The following AKAP9 variants were observed in gnomAD, a reference collection of about 807,000 sequenced individuals.
The protein encoded by AKAP9 is A-kinase anchoring protein 9, also known as A-kinase anchor protein 9.
A neutral mutation model predicts 488.5 loss-of-function variants in AKAP9; 311 were observed. That is an observed-to-expected ratio of 0.64 (90% confidence interval 0.58 to 0.70). AKAP9 has a LOEUF of 0.70. Ranked by LOEUF, AKAP9 falls within the 30% of genes least tolerant of loss-of-function variation. AKAP9 has a pLI of 0.00. For missense variants in AKAP9, 4,215 were observed against 4,374.5 expected, an observed-to-expected ratio of 0.96 and a Z score of 1.03; for synonymous variants, 1,462 against 1,483.5, an observed-to-expected ratio of 0.99 and a Z score of 0.33.
chr7:91,965,571 G>T (rs1340323586), intron 1 of AKAP9, among the ~76,000 whole-genome samples: 1 of 152,160 alleles, frequency 6.6e-6, no homozygotes, highest in African/African-American at 2.4e-5. Flanking sequence ...GCTGGATCCT[G>T]TGGTAGTTCT....
intron 1 of AKAP9, among the ~76,000 whole-genome samples, chr7:91,946,044 A>G (rs1442718151): frequency 1.3e-5 from 2 of 152,202 alleles, no homozygotes; most frequent in Non-Finnish European, 2.9e-5. Context: ...ACTTTTGTTT[A>G]ACAAACATTT....
chr7:92,013,396 G>T (rs1801060872), intron 9 of AKAP9, among the ~76,000 whole-genome samples: 1 of 152,216 alleles, frequency 6.6e-6, no homozygotes, highest in South Asian at 2.1e-4. Flanking sequence ...AGTAGTTGGG[G>T]TTATAGCTGG....
intron 1 of AKAP9, among the ~76,000 whole-genome samples, chr7:91,968,332 A>G (rs996740264): frequency 1.3e-5 from 2 of 152,082 alleles, no homozygotes; most frequent in African/African-American, 2.4e-5. Context: ...GGTAGGTTCT[A>G]TGTGTCCAGG....
intron 1 of AKAP9, among the ~76,000 whole-genome samples, chr7:91,941,706 T>A (rs2130425658): frequency 6.6e-6 from 1 of 152,304 alleles, no homozygotes; most frequent in African/African-American, 2.4e-5. Flanking sequence ...TAGAAGCGTG[T>A]CTTTGTATGT....
chr7:91,977,367 T>C (rs372604215), intron 2 of AKAP9, among the ~76,000 whole-genome samples: 1 of 152,114 alleles, frequency 6.6e-6, no homozygotes, highest in South Asian at 2.1e-4. Flanking sequence ...CCATCCTGGC[T>C]AACACGGTGA....
At chr7:92,026,483 C>T (rs1563004654) in intron 14 of AKAP9, among the ~76,000 whole-genome samples, 2 of 152,100 alleles carry the variant, frequency 1.3e-5, no homozygotes, top group African/African-American at 2.4e-5. Context: ...TGCAGTCACG[C>T]GCCGCCACGC....
intron 17 of AKAP9, among the ~76,000 whole-genome samples, chr7:92,039,508 T>C (rs1805713845): frequency 6.6e-6 from 1 of 152,254 alleles, no homozygotes; most frequent in Non-Finnish European, 1.5e-5. Context: ...TCCTAATTCT[T>C]GATTTATGTA....
chr7:91,969,212 G>A (rs1562911190), intron 1 of AKAP9, among the ~76,000 whole-genome samples: 4 of 152,020 alleles, frequency 2.6e-5, no homozygotes, highest in Non-Finnish European at 4.4e-5. Context: ...ATTATTATTT[G>A]TTTGTGTTTT....
chr7:91,991,557 C>T (rs7777123), intron 3 of AKAP9, among the ~76,000 whole-genome samples: 60,020 of 151,046 alleles, frequency 0.4, 12,208 homozygotes, highest in African/African-American at 0.45. Context: ...CTGCAAGTTC[C>T]GCCTCCTGGG....
intron 26 of AKAP9, among the ~76,000 whole-genome samples, chr7:92,067,278 GC>G (rs1424173349): frequency 6.6e-6 from 1 of 152,138 alleles, no homozygotes; most frequent in Non-Finnish European, 1.5e-5. Context: ...GATATCCAGT[GC>G]CTACTCTGTC....
chr7:91,985,311 T>A (rs1291336155), intron 3 of AKAP9, among the ~76,000 whole-genome samples: 2 of 152,090 alleles, frequency 1.3e-5, no homozygotes, highest in Non-Finnish European at 2.9e-5. Flanking sequence ...TTATTGAGAG[T>A]TTTTAGCATG....
intron 7 of AKAP9, among the ~76,000 whole-genome samples, chr7:91,999,787 G>A (rs1201356482): frequency 6.6e-6 from 1 of 152,196 alleles, no homozygotes; most frequent in African/African-American, 2.4e-5. Context: ...GTACTTGAAT[G>A]GGCACTGCCA....
intron 8 of AKAP9, among the ~76,000 whole-genome samples, chr7:92,011,849 C>T (rs116235528): frequency 1.2e-3 from 180 of 152,306 alleles, no homozygotes; most frequent in African/African-American, 4.1e-3. Context: ...TGCGGTGGCT[C>T]ATACCTGTAA....
intron 38 of AKAP9, chr7:92,090,093 A>G (rs1188280142): frequency 6.6e-6 from 1 of 152,372 alleles, no homozygotes. Flanking sequence ...TAGTTTTACT[A>G]TCTATTTATA....
intron 25 of AKAP9, 35 bp from the exon 26 acceptor site, chr7:92,066,392 C>A (rs767686507): frequency 1.2e-6 from 2 of 1,610,150 alleles, no homozygotes; most frequent in African/African-American, 2.7e-5. Context: ...AATACTGTTT[C>A]TTCAGCTACT....
At chr7:91,976,882 T>G (rs1303948925) in intron 2 of AKAP9, among the ~76,000 whole-genome samples, 1 of 152,228 alleles carries the variant, frequency 6.6e-6, no homozygotes, top group East Asian at 1.9e-4. Context: ...TGAGGTGTTG[T>G]TCTTACAATT....
chr7:92,042,292 T>G lies in AKAP9; in HGVS notation c.5058+106T>G, dbSNP rs1806256605. On this transcript the variant is annotated intron_variant, in intron 19 of 49. Coordinates refer to ENST00000356239, the MANE Select transcript of AKAP9 (RefSeq NM_005751.5). ...TGTATTCTTTTATAGGTACTGAGCT[T>G]AACATATTTGTGACTGCATGTGTGT... The G allele has an allele frequency of 2.0e-6, 3 of 1,470,538 alleles. No homozygotes were observed. In the Admixed American group the frequency reaches 5.1e-5, roughly 25 times the overall value. 91.1% of individuals were successfully genotyped at this position (1,470,538 alleles called of 1,614,324 possible).
Position 92,045,203 on chromosome 7 carries a change from A to T in AKAP9, c.5358A>T (p.Glu1786Asp). 6.2e-7 allele frequency: 1 copy of T among 1,613,844 alleles called. No homozygotes were observed. Among genetic ancestry groups the T allele is most frequent in the South Asian group, 1.1e-5 (1 of 91,076 alleles). ...EASVKSCVHE[E>D]HTRVTDESIP... ...CTGTAAAGTCATGTGTCCATGAGGA[A>T]CATACAAGAGGTACTAGTTTTCTGT... Residue 1786 changes from glutamate to aspartate, a missense_variant, in exon 21 of 50, where the codon GAA becomes GAT. Coordinates refer to ENST00000356239, the MANE Select transcript of AKAP9 (RefSeq NM_005751.5).
intron 22 of AKAP9, among the ~76,000 whole-genome samples, chr7:92,054,144 C>T (rs1200861870): frequency 1.3e-5 from 2 of 152,108 alleles, no homozygotes; most frequent in Admixed American, 6.6e-5. Flanking sequence ...TTTTAATCTT[C>T]CATGGATAGA....
Sources: allele counts gnomAD v4.1 joint callset (sites outside exome capture counted in the v4.1 genomes callset), GRCh38; gene constraint gnomAD v4.1.1; transcripts MANE v1.5; gene names NCBI Gene and HGNC (gene_info 2026-07-23, HGNC 2026-07-21).